SCARA3: variants seen among roughly 807,000 people sequenced by gnomAD.
The protein encoded by SCARA3 is scavenger receptor class A member 3.
SCARA3 carries 39 observed loss-of-function variants against 47.0 expected under a neutral mutation model. The observed-to-expected ratio is 0.83, with a 90% CI of 0.64 to 1.08. SCARA3 has a LOEUF of 1.08. SCARA3 is among the 50% of genes least tolerant of loss of function. The probability of loss-of-function intolerance (pLI) is 0.00; values close to 1 mark genes in which losing one functional copy is unlikely to be tolerated. For missense variants in SCARA3, 724 were observed against 792.3 expected (o/e 0.91, Z 1.04); for synonymous variants, 356 against 334.1 (o/e 1.07, Z -0.71).
intron 3 of SCARA3, among the ~76,000 whole-genome samples, chr8:27,654,989 A>T (rs960261950): frequency 2.0e-5 from 3 of 152,212 alleles, no homozygotes; most frequent in African/African-American, 7.2e-5. Flanking sequence ...AAATGGAATC[A>T]TAACTATTGT....
At chr8:27,731,305 G>C in the SCARA3 span, among the ~76,000 whole-genome samples, 1 of 151,118 alleles carries the variant, frequency 6.6e-6, no homozygotes, top group South Asian at 2.1e-4. Flanking sequence ...TCAGTATCTT[G>C]CCCAAGCTGG....
chr8:27,697,591 C>G, the SCARA3 span: 5 of 152,180 alleles, frequency 3.3e-5, no homozygotes, highest in African/African-American at 1.2e-4. Flanking sequence ...AGAACCCTCC[C>G]GATATGGTTT....
At chr8:27,650,087 G>A (rs1031653193) in intron 2 of SCARA3, among the ~76,000 whole-genome samples, 4 of 152,168 alleles carry the variant, frequency 2.6e-5, no homozygotes, top group Non-Finnish European at 4.4e-5. Context: ...CAAATTCCTG[G>A]GCTCGAGTGA....
the SCARA3 span, among the ~76,000 whole-genome samples, chr8:27,727,710 T>C: frequency 6.6e-6 from 1 of 152,198 alleles, no homozygotes; most frequent in Non-Finnish European, 1.5e-5. Context: ...TGAGCCAATA[T>C]ATAAAAATTT....
At chr8:27,679,017 T>G (rs75432179), downstream of SCARA3, among the ~76,000 whole-genome samples, 15 of 152,298 alleles carry the variant, frequency 9.8e-5, no homozygotes, top group East Asian at 2.3e-3. Flanking sequence ...AATGGAATCA[T>G]ACTGTATGAT....
At chr8:27,719,835 C>T in the SCARA3 span, among the ~76,000 whole-genome samples, 2 of 152,088 alleles carry the variant, frequency 1.3e-5, no homozygotes, top group African/African-American at 2.4e-5. Context: ...TCTTTGAGAC[C>T]TCTGTCACCA....
the SCARA3 span, among the ~76,000 whole-genome samples, chr8:27,712,562 CAAAAAAAA>C: frequency 9.3e-6 from 1 of 107,264 alleles, no homozygotes; most frequent in African/African-American, 3.7e-5. Context: ...GACTCCGTCT[CAAAAAAAA>C]AAAAAAAAAA....
chr8:27,733,544 C>T, the SCARA3 span: 1 of 152,094 alleles, frequency 6.6e-6, no homozygotes, highest in Non-Finnish European at 1.5e-5. Flanking sequence ...TGAGCTGCCA[C>T]CTATTCACTG....
the SCARA3 span, among the ~76,000 whole-genome samples, chr8:27,705,339 T>C: frequency 6.6e-6 from 1 of 152,186 alleles, no homozygotes; most frequent in Non-Finnish European, 1.5e-5. Context: ...CAGACCCAAG[T>C]GGGGCCAGCT....
At chr8:27,702,545 G>C in the SCARA3 span, 1 of 152,250 alleles carries the variant, frequency 6.6e-6, no homozygotes, top group African/African-American at 2.4e-5. Flanking sequence ...GAAGGAGAGC[G>C]AGCCATAGGG....
chr8:27,659,942 A>G (rs897982645), intron 5 of SCARA3, among the ~76,000 whole-genome samples: 4 of 149,622 alleles, frequency 2.7e-5, no homozygotes, highest in Admixed American at 6.6e-5. Context: ...TAAAGGTATT[A>G]TGGCTTCTAA....
chr8:27,668,146 G>A (rs1348057038), intron 5 of SCARA3, among the ~76,000 whole-genome samples: 1 of 152,222 alleles, frequency 6.6e-6, no homozygotes, highest in Non-Finnish European at 1.5e-5. Flanking sequence ...TCCACACCTA[G>A]GGAAAGACTC....
rs74529982 is a variant in SCARA3, at chr8:27,646,660, G to C, written c.8-3042G>C. Among the ~76,000 whole-genome samples, 479 of 152,280 alleles carry C rather than the reference G, an allele frequency of 3.1e-3. 6 individuals carry two copies. The highest frequency in any genetic ancestry group is 0.011 in the African/African-American group (470 of 41,572). Reference sequence around the variant, plus strand: ...GTGAATACAGCCCACAGCCCACAACGTGGTTCTGACTGGGGTCTCTGGAGG... The same window carrying C: ...GTGAATACAGCCCACAGCCCACAACCTGGTTCTGACTGGGGTCTCTGGAGG... On this transcript the variant is annotated intron_variant, in intron 1 of 5. Transcript: ENST00000301904.
chr8:27,716,922 A>G, the SCARA3 span, among the ~76,000 whole-genome samples: 1 of 152,268 alleles, frequency 6.6e-6, no homozygotes, highest in Admixed American at 6.5e-5. Context: ...CATGGTAAGA[A>G]GAACACGGCA....
At chr8:27,723,345 T>C in the SCARA3 span, among the ~76,000 whole-genome samples, 1 of 152,180 alleles carries the variant, frequency 6.6e-6, no homozygotes, top group Non-Finnish European at 1.5e-5. Flanking sequence ...TATCATTCCA[T>C]GCTAAATGGA....
At chr8:27,642,607 C>T (rs929197268) in intron 1 of SCARA3, among the ~76,000 whole-genome samples, 1 of 152,122 alleles carries the variant, frequency 6.6e-6, no homozygotes, top group Non-Finnish European at 1.5e-5. Flanking sequence ...AGGATCACTT[C>T]AGGCCAGGAA....
At chr8:27,634,878 G>C (rs898178901) in intron 1 of SCARA3, among the ~76,000 whole-genome samples, 2 of 152,208 alleles carry the variant, frequency 1.3e-5, no homozygotes, top group Non-Finnish European at 2.9e-5. Flanking sequence ...ATCCCAAGTG[G>C]CCATTTCCAG....
the SCARA3 span, among the ~76,000 whole-genome samples, chr8:27,725,425 T>C: frequency 1.1e-4 from 16 of 150,266 alleles, no homozygotes; most frequent in East Asian, 1.9e-4. Flanking sequence ...AATGAACATA[T>C]CTTTTCATAC....
chr8:27,714,447 C>T, the SCARA3 span, among the ~76,000 whole-genome samples: 16 of 152,122 alleles, frequency 1.1e-4, no homozygotes, highest in Non-Finnish European at 2.1e-4. Context: ...CCCGCCTCGG[C>T]CTCCCAAAGT....
Sources: gnomAD v4.1 joint callset for allele counts (sites outside exome capture counted in the v4.1 genomes callset) on GRCh38, gnomAD v4.1.1 for gene constraint, MANE v1.5 for transcripts, NCBI Gene and HGNC (gene_info 2026-07-23, HGNC 2026-07-21) for gene names.